Variants in GFUS observed in about 807,000 individuals in gnomAD.
GFUS encodes the protein 3-5 epimerase/4-reductase.
In GFUS, 42 loss-of-function variants were observed where a neutral mutation model predicts 41.5. That is an observed-to-expected ratio of 1.01 (90% CI 0.79 to 1.31). The LOEUF (loss-of-function observed/expected upper bound fraction) is 1.31, where lower values mean the gene tolerates loss of function less well. Among genes scored for constraint, GFUS ranks in the 50% most tolerant of loss-of-function variants. The pLI, the probability that GFUS is intolerant of heterozygous loss-of-function variation, is 0.00. For synonymous variants in GFUS, 188 were observed against 173.4 expected (o/e 1.08, Z -0.66); for missense variants, 437 against 428.7 (o/e 1.02, Z -0.17).
At position 143,616,674 on chromosome 8, in the gene GFUS, T is replaced by C. The variant is rs560776993; in HGVS notation, c.39A>G (p.Thr13=). ...EPQGSMRILV[T]GGSGLVGKAI... is the part of the protein sequence containing the mutation. ...CTTTGCCTACCAGCCCAGAGCCCCCTGTCACTAGAATCCGCATGGATCCCT... is the reference window on the plus strand; with the variant it reads ...CTTTGCCTACCAGCCCAGAGCCCCCCGTCACTAGAATCCGCATGGATCCCT... Residue 13 remains threonine, a synonymous_variant, in exon 2 of 11, where the codon ACA becomes ACG. Coordinates refer to ENST00000425753, the MANE Select transcript of GFUS (RefSeq NM_003313.4). 8 of 1,613,614 alleles carry C rather than the reference T, an allele frequency of 5.0e-6. No individual in the cohort carries two copies. In the South Asian group the frequency reaches 8.8e-5, roughly 18 times the overall value.
chr8:143,613,093 T>G, intron 10 of GFUS, 103 bp downstream of exon 10: 1 of 1,536,956 alleles, frequency 6.5e-7, no homozygotes, highest in South Asian at 1.1e-5. Flanking sequence ...TCCAGGGCAG[T>G]ACAGGCTCTG....
chr8:143,616,693 G>T lies in GFUS; in HGVS notation c.20C>A (p.Ser7Tyr). ...GCCCCCTGTCACTAGAATCCGCATGGATCCCTGGGGTTCACCCATGTCAGT... is the reference window on the plus strand; with the variant it reads ...GCCCCCTGTCACTAGAATCCGCATGTATCCCTGGGGTTCACCCATGTCAGT... The part of the protein sequence containing the change: MGEPQG[S>Y]MRILVTGGSG... The change falls in exon 2 of 11, where the codon TCC becomes TAC. Residue 7 changes from serine to tyrosine, a missense_variant. Coordinates refer to ENST00000425753, the MANE Select transcript of GFUS (RefSeq NM_003313.4). 6.2e-7 allele frequency: 1 copy of T among 1,613,650 alleles called. No homozygotes were observed. The highest frequency in any genetic ancestry group is 1.1e-5 in the South Asian group (1 of 91,078).
At chr8:143,613,491 C>T (rs1175620888) in intron 9 of GFUS, 33 bp downstream of exon 9, 21 of 1,604,952 alleles carry the variant, frequency 1.3e-5, no homozygotes, top group Middle Eastern at 1.7e-4. Flanking sequence ...AAGGGGCCCC[C>T]GCCCAACCCC....
rs768162790 is a variant in GFUS, at chr8:143,616,172, G to A, written c.195C>T (p.His65=). ...RALFEKVQPT[H]VIHLAAMVGG... The stretch of plus-strand genomic sequence containing the variant: ...CCACCATTGCAGCAAGATGGATGAC[G>A]TGTGTGGGTTGGACCTTCTCAAACA... Residue 65 remains histidine, a synonymous_variant, in exon 3 of 11, where the codon CAC becomes CAT. Transcript: ENST00000425753. The A allele has an allele frequency of 1.7e-5, 27 of 1,613,816 alleles. No homozygotes were observed. The highest frequency in any genetic ancestry group is 1.1e-4 in the East Asian group (5 of 44,878).
chr8:143,615,480 CA>C (rs1321079899), intron 3 of GFUS, among the ~76,000 whole-genome samples: 7 of 152,178 alleles, frequency 4.6e-5, no homozygotes, highest in Admixed American at 4.6e-4. Flanking sequence ...GAGACACCGA[CA>C]AAGAGGGCTC....
chr8:143,617,062 G>A (rs971117245), intron 1 of GFUS: 11 of 321,164 alleles, frequency 3.4e-5, no homozygotes, highest in African/African-American at 1.0e-4. Flanking sequence ...CCTGGCACAG[G>A]TCGTTAACAC....
At position 143,612,927 on chromosome 8, in the gene GFUS, C is replaced by G. The variant is rs780580509; in HGVS notation, c.949G>C (p.Glu317Gln). The stretch of plus-strand genomic sequence containing the variant: ...TTCCAGCTTCACTTCCGGGCCTGCT[C>G]GTAGTTGTCAGTGAACCAAGCACAG... ...ETCAWFTDNY[E>Q]QARK is the part of the protein sequence containing the mutation. Residue 317 changes from glutamate (E) to glutamine (Q), a missense_variant, in exon 11 of 11, where the codon GAG becomes CAG. By Grantham distance (29) the Glu-to-Gln change is conservative. Transcript: ENST00000425753. 19 of 1,609,784 alleles carry G rather than the reference C, an allele frequency of 1.2e-5. No homozygotes were observed. In the Admixed American group the frequency reaches 1.7e-4, roughly 14 times the overall value.
At chr8:143,615,893 C>T (rs1219917445) in intron 3 of GFUS, 5 of 486,552 alleles carry the variant, frequency 1.0e-5, no homozygotes, top group Non-Finnish European at 1.8e-5. Flanking sequence ...GGCCAAGTGC[C>T]TCCAGGCCCC....
At position 143,613,195 on chromosome 8, in the gene GFUS, C is replaced by T. The variant is rs751740336; in HGVS notation, c.910+1G>A. 3 of 1,613,802 alleles carry T rather than the reference C, an allele frequency of 1.9e-6. No individual in the cohort carries two copies. Among genetic ancestry groups the T allele is most frequent in the Non-Finnish European group, 2.5e-6 (3 of 1,179,934 alleles). The stretch of plus-strand genomic sequence containing the variant: ...TGGAGGGCTGTGGGGTCAGGGCTCA[C>T]CCTGCTTGAAGGGTGTGAACCGGAA... On this transcript the variant is annotated splice_donor_variant, in intron 10 of 10. Coordinates refer to ENST00000425753, the MANE Select transcript of GFUS (RefSeq NM_003313.4). LOFTEE classifies it high-confidence loss of function.
chr8:143,613,346 C>G (rs931708065), intron 9 of GFUS, 51 bp from the exon 10 acceptor site: 11 of 1,574,274 alleles, frequency 7.0e-6, no homozygotes, highest in Non-Finnish European at 8.7e-6. Flanking sequence ...ACCCCAGCCC[C>G]CGCAGCTTGC....
At chr8:143,614,538 C>T (rs1829671172) in intron 5 of GFUS, 85 bp from the exon 6 acceptor site, 7 of 1,559,132 alleles carry the variant, frequency 4.5e-6, no homozygotes, top group South Asian at 3.6e-5. Context: ...GAGGCTGGCA[C>T]GAAGACCCGA....
At chr8:143,614,539 G>C in intron 5 of GFUS, 85 bp downstream of exon 5, 1 of 1,559,778 alleles carries the variant, frequency 6.4e-7, no homozygotes, top group Non-Finnish European at 8.7e-7. Context: ...AGGCTGGCAC[G>C]AAGACCCGAC....
rs75900260 is a variant in GFUS at position 143,612,834 on chromosome 8, T to C, written c.*76A>G. On this transcript the variant is annotated 3_prime_UTR_variant, in exon 11 of 11. Transcript: ENST00000425753. ...GTTGCTGGGTGGTGCCCTCAGCTCC[T>C]GGCAGGGTTGACGGGTGGTGGCCGC... The C allele has an allele frequency of 2.5e-3, 3,790 of 1,532,892 alleles. 70 individuals carry two copies. In the African/African-American group the frequency reaches 0.041, roughly 17 times the overall value. 95.0% of individuals were successfully genotyped at this position (1,532,892 alleles called of 1,614,324 possible).
chr8:143,614,140 A>G (rs774411024), intron 7 of GFUS, 24 bp downstream of exon 7: 5 of 1,611,614 alleles, frequency 3.1e-6, no homozygotes. Flanking sequence ...TTCTCTGGGG[A>G]GAGCTGTGCC....
chr8:143,613,849 T>C, intron 7 of GFUS, 32 bp from the exon 8 acceptor site: 1 of 1,549,734 alleles, frequency 6.5e-7, no homozygotes, highest in Non-Finnish European at 8.7e-7. Flanking sequence ...TCAGAGACCA[T>C]GGGTATAGCC....
rs1011231743 is a variant in GFUS, at chr8:143,617,505, A to G, written c.-43T>C. On this transcript the variant is annotated 5_prime_UTR_variant, in exon 1 of 11. Coordinates refer to ENST00000425753, the MANE Select transcript of GFUS (RefSeq NM_003313.4). ...CCAGCCCCACCGCCGGCTCCCCGAC[A>G]GCGGCTTCCGGCCGGGTGCGCTCCG... The G allele has an allele frequency of 6.6e-5, 10 of 152,264 alleles. No homozygotes were observed. The highest frequency in any genetic ancestry group is 2.2e-4 in the African/African-American group (9 of 41,450). The allele number at this position is 152,264 out of a possible 1,614,324, so 9.4% of individuals were successfully genotyped here.
rs1443315385 is a variant in GFUS at position 143,613,310 on chromosome 8, A to C, written c.811-15T>G. On this transcript the variant is annotated splice_polypyrimidine_tract_variant and intron_variant, in intron 9 of 10. Coordinates refer to ENST00000425753, the MANE Select transcript of GFUS (RefSeq NM_003313.4). ...GTTGTATCAAACTGGAGGCTTTGTC[A>C]AGGCCACAGCGAGAAGAGCACCTCC... The C allele has an allele frequency of 1.9e-6, 3 of 1,612,842 alleles. No homozygotes were observed. Among genetic ancestry groups the C allele is most frequent in the Non-Finnish European group, 2.5e-6 (3 of 1,178,912 alleles).
rs961405035 is a variant in GFUS at position 143,612,703 on chromosome 8, A to G, written c.*207T>C. The stretch of plus-strand genomic sequence containing the variant: ...GCGCAGGGGGCTGGTGTGGGGAGCA[A>G]AGCGCCGGGCCTGCCCGGGACCCTG... On this transcript the variant is annotated 3_prime_UTR_variant, in exon 11 of 11. Coordinates refer to ENST00000425753, the MANE Select transcript of GFUS (RefSeq NM_003313.4). The G allele has an allele frequency of 1.3e-5, 8 of 627,682 alleles. No homozygotes were observed. The Admixed American group carries it at 1.7e-4, about 13-fold the overall frequency. The allele number at this position is 627,682 out of a possible 1,614,324, so 38.9% of individuals were successfully genotyped here.
chr8:143,615,141 G>A lies in GFUS; in HGVS notation c.262-226C>T, dbSNP rs530812052. 1.6e-4 allele frequency among the ~76,000 whole-genome samples: 24 copies of A among 152,194 alleles called. No individual in the cohort carries two copies. The South Asian group carries it at 5.0e-3, about 32-fold the overall frequency. On this transcript the variant is annotated intron_variant, in intron 3 of 10. Coordinates refer to ENST00000425753, the MANE Select transcript of GFUS (RefSeq NM_003313.4). ...GGCTGGCTCTGCCTTCCACTATGAG[G>A]AGAACCACACCCCCAGCTCAGGGCT...
Sources: gnomAD v4.1 joint callset for allele counts (sites outside exome capture counted in the v4.1 genomes callset) on GRCh38, gnomAD v4.1.1 for gene constraint, MANE v1.5 for transcripts, NCBI Gene and HGNC (gene_info 2026-07-23, HGNC 2026-07-21) for gene names.